DAB1: variants seen among roughly 807,000 people sequenced by gnomAD.
DAB1 encodes the protein disabled homolog 1.
In DAB1, 15 loss-of-function variants were observed where a neutral mutation model predicts 64.6. The observed-to-expected ratio is 0.23, with a 90% CI of 0.16 to 0.36. The LOEUF (loss-of-function observed/expected upper bound fraction) is 0.36, where lower values mean the gene tolerates loss of function less well. DAB1 is among the 10% of genes least tolerant of loss of function. The pLI is 1.00. For missense variants in DAB1, 596 were observed against 706.7 expected (o/e 0.84, Z 1.78); for synonymous variants, 235 against 251.9 (o/e 0.93, Z 0.64).
intron 9 of DAB1, among the ~76,000 whole-genome samples, chr1:57,053,620 C>T (rs1348328196): frequency 2.0e-5 from 3 of 146,590 alleles, no homozygotes; most frequent in Non-Finnish European, 3.0e-5. Context: ...TTCCTATTTA[C>T]TACTATGCCA....
At chr1:58,381,855 C>T (rs751027460) in intron 3 of DAB1, among the ~76,000 whole-genome samples, 2 of 151,462 alleles carry the variant, frequency 1.3e-5, no homozygotes, top group Non-Finnish European at 1.5e-5. Flanking sequence ...ATTTAGGAGT[C>T]ACCAGCATAT....
intron 7 of DAB1, among the ~76,000 whole-genome samples, chr1:57,632,876 C>A (rs932395530): frequency 6.6e-6 from 1 of 152,084 alleles, no homozygotes; most frequent in African/African-American, 2.4e-5. Flanking sequence ...TTAAATGGAT[C>A]ATAAGGATAC....
In DAB1 at chr1:58,237,784, T is replaced by C. The variant is rs137968231; in HGVS notation, n.310-87196A>G. On this transcript the variant is annotated intron_variant and non_coding_transcript_variant, in intron 4 of 20. Coordinates refer to the DAB1 transcript ENST00000485760. Reference sequence around the variant, plus strand: ...TATTTTGGTGTGGTTCTATAGCAAATAGAAATGTCATAGATGACCACTTTA... The same window carrying C: ...TATTTTGGTGTGGTTCTATAGCAAACAGAAATGTCATAGATGACCACTTTA... Among the ~76,000 whole-genome samples, 435 of 152,308 alleles carry C rather than the reference T, an allele frequency of 2.9e-3. 5 individuals are homozygous for C. The highest frequency in any genetic ancestry group is 0.01 in the African/African-American group (419 of 41,560).
chr1:57,156,683 G>A (rs1660254815), intron 2 of DAB1, among the ~76,000 whole-genome samples: 1 of 152,064 alleles, frequency 6.6e-6, no homozygotes, highest in African/African-American at 2.4e-5. Flanking sequence ...TTCCTAATGG[G>A]ATAAAATAAA....
chr1:57,111,184 G>A (rs1241342717), intron 4 of DAB1, among the ~76,000 whole-genome samples: 4 of 152,024 alleles, frequency 2.6e-5, no homozygotes, highest in Non-Finnish European at 5.9e-5. Flanking sequence ...GTCCAGCAGA[G>A]GAAGGAAAGG....
Position 58,393,120 on chromosome 1 carries a change from CTTTTTT to C in DAB1, n.258-49723_258-49718del, listed in dbSNP as rs34546253. On this transcript the variant is annotated intron_variant and non_coding_transcript_variant, in intron 3 of 20. Coordinates refer to the DAB1 transcript ENST00000485760. Reference sequence around the variant, plus strand: ...CATACCATGCTATTTACTTCCAAATCTTTTTTTTTTTTTTTTTTTTTTTATAGATAC... The same window carrying C: ...CATACCATGCTATTTACTTCCAAATCTTTTTTTTTTTTTTTTTATAGATAC... 3.8e-4 allele frequency among the ~76,000 whole-genome samples: 45 copies of C among 117,152 alleles called. 1 individual carries two copies. The highest frequency in any genetic ancestry group is 1.9e-4 in the Non-Finnish European group (11 of 58,808). The allele number at this position is 117,152 out of a possible 152,430, so 76.9% of individuals were successfully genotyped here.
At chr1:57,004,953 T>C (rs1646012540) in intron 14 of DAB1, among the ~76,000 whole-genome samples, 1 of 152,188 alleles carries the variant, frequency 6.6e-6, no homozygotes, top group African/African-American at 2.4e-5. Flanking sequence ...ATGAAGTATC[T>C]TAAATGCTGG....
chr1:57,119,258 G>C (rs1656422716), intron 4 of DAB1, among the ~76,000 whole-genome samples: 1 of 152,166 alleles, frequency 6.6e-6, no homozygotes, highest in Admixed American at 6.5e-5. Context: ...CAATGTGTCA[G>C]CAGATATGAA....
chr1:58,051,843 C>T (rs952133739), intron 5 of DAB1, among the ~76,000 whole-genome samples: 7 of 152,188 alleles, frequency 4.6e-5, no homozygotes, highest in African/African-American at 1.7e-4. Flanking sequence ...GCATAAATGT[C>T]TTCTTTTGAG....
upstream of DAB1, among the ~76,000 whole-genome samples, chr1:57,428,322 A>C (rs1161721511): frequency 6.6e-6 from 1 of 152,128 alleles, no homozygotes; most frequent in East Asian, 1.9e-4. Flanking sequence ...CATTTTCCCC[A>C]CTGTCTAGCC....
rs76449726 is a variant in DAB1 at position 57,294,715 on chromosome 1, C to T, written c.-136-3549G>A. 2.5e-3 allele frequency among the ~76,000 whole-genome samples: 375 copies of T among 152,174 alleles called. 2 individuals carry two copies. The highest frequency in any genetic ancestry group is 7.6e-3 in the African/African-American group (315 of 41,518). The stretch of plus-strand genomic sequence containing the variant: ...AATATAATTATCTACATGAAACAAA[C>T]GAGGAAACTGAGGCACAAGCCAGCT... On this transcript the variant is annotated intron_variant, in intron 1 of 14. Coordinates refer to ENST00000371236, the MANE Select transcript of DAB1 (RefSeq NM_001365792.1).
rs575431693 is a variant in DAB1, at chr1:57,925,994, C to G, written n.388-41832G>C. ...AGGCCATCATATGGGAGGTCCATTT[C>G]TGCTTCTCGACAAGAACTCTTTGGG... On this transcript the variant is annotated intron_variant and non_coding_transcript_variant, in intron 5 of 20. Transcript: ENST00000485760. Among the ~76,000 whole-genome samples the G allele has an allele frequency of 3.3e-5, 5 of 152,322 alleles. No homozygotes were observed. In the East Asian group the frequency reaches 9.6e-4, roughly 29 times the overall value.
upstream of DAB1, among the ~76,000 whole-genome samples, chr1:57,427,672 C>T (rs1050802642): frequency 6.6e-5 from 10 of 152,122 alleles, no homozygotes; most frequent in Non-Finnish European, 1.2e-4. Context: ...ATGCTGTAAA[C>T]TATGGGCATT....
intron 5 of DAB1, among the ~76,000 whole-genome samples, chr1:58,000,759 C>T (rs1646495579): frequency 1.3e-5 from 2 of 151,580 alleles, no homozygotes; most frequent in Admixed American, 6.6e-5. Context: ...TTAGTAGGGT[C>T]GGGGTTTCAC....
intron 4 of DAB1, among the ~76,000 whole-genome samples, chr1:58,232,193 A>C (rs1659807231): frequency 6.6e-6 from 1 of 152,190 alleles, no homozygotes; most frequent in Non-Finnish European, 1.5e-5. Context: ...TAATCTTCCC[A>C]AAGACACGTA....
Position 57,114,992 on chromosome 1 carries a change from T to A in DAB1, c.306+21551A>T, listed in dbSNP as rs368292644. On this transcript the variant is annotated intron_variant, in intron 4 of 14. Transcript: ENST00000371236. ...AGTGGGGTTATTAGGAGAATTAAATTGAATAAATGCATGTAAAGTGTGCAG... is the reference window on the plus strand; with the variant it reads ...AGTGGGGTTATTAGGAGAATTAAATAGAATAAATGCATGTAAAGTGTGCAG... 2.8e-4 allele frequency among the ~76,000 whole-genome samples: 43 copies of A among 152,282 alleles called. 1 individual carries two copies. Among genetic ancestry groups the A allele is most frequent in the East Asian group, 9.7e-4 (5 of 5,180 alleles).
chr1:57,047,894 C>T (rs745711815), intron 9 of DAB1, among the ~76,000 whole-genome samples: 2 of 152,184 alleles, frequency 1.3e-5, no homozygotes, highest in Non-Finnish European at 2.9e-5. Context: ...ATCTTCGTCG[C>T]TGGGGCAGGT....
At chr1:57,395,641 G>A (rs990606062) in intron 1 of DAB1, among the ~76,000 whole-genome samples, 15 of 152,156 alleles carry the variant, frequency 9.9e-5, no homozygotes, top group South Asian at 2.1e-4. Context: ...TCCTAGTCAC[G>A]TGAAGCTACT....
chr1:57,536,671 G>T (rs1196452843), intron 7 of DAB1, among the ~76,000 whole-genome samples: 1 of 149,288 alleles, frequency 6.7e-6, no homozygotes, highest in Non-Finnish European at 1.5e-5. Flanking sequence ...AAACCTGGTG[G>T]TAACCGGTCC....
Sources: gnomAD v4.1 joint callset for allele counts (sites outside exome capture counted in the v4.1 genomes callset) on GRCh38, gnomAD v4.1.1 for gene constraint, MANE v1.5 for transcripts, NCBI Gene and HGNC (gene_info 2026-07-23, HGNC 2026-07-21) for gene names.